Variants in ACAP2 observed in about 807,000 individuals in gnomAD.
ACAP2 encodes the protein arf-GAP with coiled-coil, ANK repeat and PH domain-containing protein 2.
In ACAP2, 39 loss-of-function variants were observed where a neutral mutation model predicts 115.8. The observed-to-expected ratio is 0.34, with a 90% CI of 0.26 to 0.44. The LOEUF is 0.44. Ranked by LOEUF, ACAP2 falls within the 20% of genes least tolerant of loss-of-function variation. The probability of loss-of-function intolerance (pLI) is 1.00; values close to 1 mark genes in which losing one functional copy is unlikely to be tolerated. For synonymous variants in ACAP2, 289 were observed against 315.8 expected (o/e 0.92, Z 0.90); for missense variants, 662 against 927.6 (o/e 0.71, Z 3.72).
chr3:195,307,760 A>T (rs1180410078), intron 11 of ACAP2, among the ~76,000 whole-genome samples: 2 of 151,844 alleles, frequency 1.3e-5, no homozygotes, highest in Non-Finnish European at 3.0e-5. Context: ...GGAGAATCAG[A>T]AAGATTTTAT....
rs544191053 is a variant in ACAP2, at chr3:195,337,153, T to A, written c.529-177A>T. 3.8e-4 allele frequency among the ~76,000 whole-genome samples: 58 copies of A among 152,360 alleles called. No homozygotes were observed. In the Middle Eastern group the frequency reaches 0.017, roughly 45 times the overall value. Reference sequence around the variant, plus strand: ...TGCAAAACACAGTTAAGACAAACATTCCAGTGAAATTCTCGTACATTTCTG... The same window carrying A: ...TGCAAAACACAGTTAAGACAAACATACCAGTGAAATTCTCGTACATTTCTG... On this transcript the variant is annotated intron_variant, in intron 6 of 22. Coordinates refer to ENST00000326793, the MANE Select transcript of ACAP2 (RefSeq NM_012287.6).
At chr3:195,362,170 G>C (rs1366981457) in intron 4 of ACAP2, among the ~76,000 whole-genome samples, 1 of 152,020 alleles carries the variant, frequency 6.6e-6, no homozygotes, top group Middle Eastern at 3.2e-3. Flanking sequence ...AAAAAAATTA[G>C]CCAGGCGTGG....
intron 15 of ACAP2, among the ~76,000 whole-genome samples, chr3:195,299,581 G>C (rs1399860665): frequency 6.6e-6 from 1 of 151,556 alleles, no homozygotes; most frequent in Admixed American, 6.6e-5. Context: ...GCTCACGCCT[G>C]TAATCCCAGC....
intron 4 of ACAP2, among the ~76,000 whole-genome samples, chr3:195,366,730 C>T (rs1050514986): frequency 2.0e-5 from 3 of 152,178 alleles, no homozygotes; most frequent in Non-Finnish European, 4.4e-5. Context: ...GTTCATCCAA[C>T]ACCATTTTAC....
chr3:195,359,688 C>T (rs192258695), intron 4 of ACAP2, among the ~76,000 whole-genome samples: 4 of 152,158 alleles, frequency 2.6e-5, no homozygotes, highest in East Asian at 1.9e-4. Context: ...AGGATGGTCT[C>T]GATCTCCTGC....
chr3:195,386,573 A>G (rs371656989), intron 2 of ACAP2, among the ~76,000 whole-genome samples: 2 of 152,146 alleles, frequency 1.3e-5, no homozygotes, highest in East Asian at 1.9e-4. Context: ...GTTCTCACTC[A>G]TAAGTAGGAG....
intron 1 of ACAP2, among the ~76,000 whole-genome samples, chr3:195,396,793 GAAAAAAAAAA>G (rs62983860): frequency 5.4e-5 from 5 of 91,820 alleles, no homozygotes; most frequent in African/African-American, 1.7e-4. Context: ...TCTCAAAAAA[GAAAAAAAAAA>G]AAAAAAAAAA....
At chr3:195,333,868 C>A (rs1171167352) in intron 7 of ACAP2, among the ~76,000 whole-genome samples, 1 of 151,990 alleles carries the variant, frequency 6.6e-6, no homozygotes, top group Non-Finnish European at 1.5e-5. Flanking sequence ...ACAAGCATAA[C>A]CTAAAGTAGG....
At chr3:195,432,339 T>G (rs1258730726) in intron 1 of ACAP2, among the ~76,000 whole-genome samples, 1 of 152,190 alleles carries the variant, frequency 6.6e-6, no homozygotes, top group Non-Finnish European at 1.5e-5. Flanking sequence ...TGCAGGCCTG[T>G]GATCTATTTT....
At chr3:195,280,339 G>A (rs554545995) in intron 22 of ACAP2, among the ~76,000 whole-genome samples, 2 of 152,140 alleles carry the variant, frequency 1.3e-5, no homozygotes, top group Non-Finnish European at 2.9e-5. Context: ...AGGCGTGGTG[G>A]TGGGCACCTG....
At chr3:195,422,165 T>C (rs948526759) in intron 1 of ACAP2, among the ~76,000 whole-genome samples, 2 of 152,200 alleles carry the variant, frequency 1.3e-5, no homozygotes, top group African/African-American at 4.8e-5. Flanking sequence ...TTGTACCCAA[T>C]ACCTAGTTTC....
chr3:195,412,164 CAA>C (rs869120673), intron 1 of ACAP2, among the ~76,000 whole-genome samples: 1 of 48,568 alleles, frequency 2.1e-5, no homozygotes, highest in Non-Finnish European at 4.1e-5. Context: ...GACCCTGTCT[CAA>C]AAAAAAAAAA....
intron 4 of ACAP2, among the ~76,000 whole-genome samples, chr3:195,351,196 C>T (rs1380072630): frequency 6.8e-6 from 1 of 146,380 alleles, no homozygotes; most frequent in Non-Finnish European, 1.5e-5. Flanking sequence ...CGGCTCACTG[C>T]AACCTCCGCC....
intron 1 of ACAP2, among the ~76,000 whole-genome samples, chr3:195,408,219 T>A: frequency 6.6e-6 from 1 of 152,284 alleles, no homozygotes; most frequent in East Asian, 1.9e-4. Flanking sequence ...CCCAGCACTT[T>A]GGGAGCCCAA....
chr3:195,397,123 G>C (rs1034783646), intron 1 of ACAP2, among the ~76,000 whole-genome samples: 1 of 152,122 alleles, frequency 6.6e-6, no homozygotes, highest in Non-Finnish European at 1.5e-5. Context: ...TTTTGAAACT[G>C]TTGTATTCTT....
rs185830115 is a variant in ACAP2, at chr3:195,327,821, C to T, written c.670-862G>A. On this transcript the variant is annotated intron_variant, in intron 8 of 22. Transcript: ENST00000326793. ...TGGCAGGTGCCTGTAATCCTACCTA[C>T]TCGGGAGGCTGAGGCAGCAGAATCA... Among the ~76,000 whole-genome samples, 96 of 152,106 alleles carry T rather than the reference C, an allele frequency of 6.3e-4. 1 individual carries two copies.
intron 1 of ACAP2, among the ~76,000 whole-genome samples, chr3:195,416,317 G>A (rs1713723390): frequency 6.6e-6 from 1 of 151,314 alleles, no homozygotes; most frequent in South Asian, 2.1e-4. Context: ...TTGCACTCTG[G>A]CCTGGTGACA....
At chr3:195,420,567 T>C (rs1714104581) in intron 1 of ACAP2, among the ~76,000 whole-genome samples, 1 of 151,998 alleles carries the variant, frequency 6.6e-6, no homozygotes, top group Non-Finnish European at 1.5e-5. Context: ...ATGGTCTCGA[T>C]CTCCTGACCT....
chr3:195,311,586 G>T (rs1442664157), intron 10 of ACAP2, among the ~76,000 whole-genome samples: 2 of 152,076 alleles, frequency 1.3e-5, no homozygotes, highest in Non-Finnish European at 2.9e-5. Context: ...GCCCAGGTTG[G>T]AGTGCAATGG....
Sources: gnomAD v4.1 joint callset for allele counts (sites outside exome capture counted in the v4.1 genomes callset) on GRCh38, gnomAD v4.1.1 for gene constraint, MANE v1.5 for transcripts, NCBI Gene and HGNC (gene_info 2026-07-23, HGNC 2026-07-21) for gene names.